RAB4B: variants seen among roughly 807,000 people sequenced by gnomAD.
RAB4B encodes RAB4B, member RAS oncogene family.
In RAB4B, 15 loss-of-function variants were observed where a neutral mutation model predicts 28.3. That is an observed-to-expected ratio of 0.53 (90% confidence interval 0.35 to 0.82). The LOEUF is 0.82. RAB4B is among the 40% of genes least tolerant of loss of function. The pLI, the probability that RAB4B is intolerant of heterozygous loss-of-function variation, is 0.01. For synonymous variants in RAB4B, 108 were observed against 116.3 expected, an observed-to-expected ratio of 0.93 and a Z score of 0.46; for missense variants, 244 against 288.5, an observed-to-expected ratio of 0.85 and a Z score of 1.12.
chr19:40,792,128 G>C (rs898782529), intron 7 of RAB4B: 1 of 151,998 alleles, frequency 6.6e-6, no homozygotes. Context: ...CAGAGCCAAC[G>C]TGATTTCCTG....
At chr19:40,788,091 G>T (rs768586857) in intron 7 of RAB4B, among the ~76,000 whole-genome samples, 1 of 151,622 alleles carries the variant, frequency 6.6e-6, no homozygotes, top group African/African-American at 2.4e-5. Flanking sequence ...TTTATTGAGC[G>T]CCTGCTGTGT....
At chr19:40,791,924 C>T (rs780467010) in intron 7 of RAB4B, among the ~76,000 whole-genome samples, 3 of 152,362 alleles carry the variant, frequency 2.0e-5, no homozygotes. Flanking sequence ...TGAGCCACTG[C>T]ACCCGGCCCC....
At chr19:40,787,961 C>CAAAAA (rs56997006) in intron 7 of RAB4B, among the ~76,000 whole-genome samples, 4 of 69,460 alleles carry the variant, frequency 5.8e-5, no homozygotes, top group African/African-American at 1.1e-4. Context: ...GACTCTGTCT[C>CAAAAA]AAAAAAAAAA....
intron 1 of RAB4B, chr19:40,778,976 G>C (rs1206850446): frequency 3.0e-6 from 3 of 985,832 alleles, no homozygotes. Context: ...GGCAGGGGAA[G>C]TGCAGGTTTA....
At chr19:40,782,813 A>C (rs2083061349) in intron 3 of RAB4B, among the ~76,000 whole-genome samples, 1 of 122,970 alleles carries the variant, frequency 8.1e-6, no homozygotes, top group Admixed American at 8.6e-5. Context: ...ACTCCATCTC[A>C]ATCAGTCAAT....
intron 7 of RAB4B, among the ~76,000 whole-genome samples, chr19:40,788,166 G>A (rs955938545): frequency 1.3e-5 from 2 of 151,876 alleles, no homozygotes; most frequent in Non-Finnish European, 2.9e-5. Flanking sequence ...TCCTCATGGT[G>A]CTGACATTCT....
intron 7 of RAB4B, among the ~76,000 whole-genome samples, chr19:40,787,716 G>T (rs1360503791): frequency 6.7e-6 from 1 of 150,112 alleles, no homozygotes; most frequent in African/African-American, 2.5e-5. Flanking sequence ...GACACAGGCA[G>T]AGGGGTTGCA....
chr19:40,784,760 A>AT (rs1283285887), intron 5 of RAB4B, among the ~76,000 whole-genome samples: 1 of 150,054 alleles, frequency 6.7e-6, no homozygotes, highest in African/African-American at 2.5e-5. Context: ...TATTTTATTT[A>AT]TTTTTTCCTC....
chr19:40,779,868 T>C (rs1019786029), intron 1 of RAB4B, 151 bp from the exon 2 acceptor site: 1 of 1,510,134 alleles, frequency 6.6e-7, no homozygotes, highest in Non-Finnish European at 8.9e-7. Flanking sequence ...GAGTTATCTG[T>C]TACTGTTACC....
At chr19:40,784,214 G>A in intron 5 of RAB4B, 139 bp downstream of exon 5, 5 of 1,202,782 alleles carry the variant, frequency 4.2e-6, no homozygotes, top group Non-Finnish European at 5.6e-6. Context: ...AGTGTTGGCT[G>A]GGTGTAGTGG....
chr19:40,778,292 G>A lies in RAB4B; in HGVS notation c.-84G>A. On this transcript the variant is annotated 5_prime_UTR_variant, in exon 1 of 8. Coordinates refer to ENST00000357052, the MANE Select transcript of RAB4B (RefSeq NM_016154.5). The stretch of plus-strand genomic sequence containing the variant: ...CGGGGAGTAGGAAGGAGCCGGGGCT[G>A]TAGCCGGAGTGGAGCGGCTGCCAGC... 3 of 1,371,122 alleles carry A rather than the reference G, an allele frequency of 2.2e-6. No homozygotes were observed. Among genetic ancestry groups the A allele is most frequent in the Non-Finnish European group, 9.8e-7 (1 of 1,025,186 alleles). The allele number at this position is 1,371,122 out of a possible 1,614,324, so 84.9% of individuals were successfully genotyped here.
chr19:40,785,097 G>A (rs956376372), intron 5 of RAB4B, among the ~76,000 whole-genome samples: 3 of 151,978 alleles, frequency 2.0e-5, no homozygotes, highest in African/African-American at 7.2e-5. Context: ...ACAGGCGTGA[G>A]ACACTGCGCC....
intron 5 of RAB4B, among the ~76,000 whole-genome samples, chr19:40,785,156 TTGAGTAACAGGTAC>T (rs2083086656): frequency 6.6e-6 from 1 of 151,816 alleles, no homozygotes; most frequent in Non-Finnish European, 1.5e-5. Flanking sequence ...GGGTAGATCC[TTGAGTAACAGGTAC>T]TGGTGTTAAG....
intron 7 of RAB4B, among the ~76,000 whole-genome samples, chr19:40,795,150 T>C (rs1420539012): frequency 5.1e-5 from 6 of 116,524 alleles, no homozygotes; most frequent in African/African-American, 1.7e-4. Flanking sequence ...GCCCAGGCAA[T>C]AGAGCGAGGC....
chr19:40,780,381 CCAGT>C lies in RAB4B; in HGVS notation c.98-1_100del. 1 of 1,603,214 alleles carries C rather than the reference CCAGT, an allele frequency of 6.2e-7. No individual in the cohort carries two copies. The highest frequency in any genetic ancestry group is 8.5e-7 in the Non-Finnish European group (1 of 1,174,732). ...ACTGCCCCTTCTGTTCCTCCTACTC[CCAGT>C]CAAACAGGACTCCAACCACACAATC... is the stretch of plus-strand genomic sequence containing the variant. On this transcript the variant is annotated splice_acceptor_variant and splice_polypyrimidine_tract_variant and coding_sequence_variant and intron_variant, in exon 3 of 8. Transcript: ENST00000357052. LOFTEE classifies it high-confidence loss of function.
At chr19:40,790,354 C>CTTTTTT (rs577816237) in intron 7 of RAB4B, among the ~76,000 whole-genome samples, 1 of 141,810 alleles carries the variant, frequency 7.1e-6, no homozygotes, top group Non-Finnish European at 1.6e-5. Context: ...TGGCCTCTCT[C>CTTTTTT]TTTTTTTTTT....
At chr19:40,786,419 C>G (rs1178100999) in intron 5 of RAB4B, 3 of 494,692 alleles carry the variant, frequency 6.1e-6, no homozygotes, top group East Asian at 4.4e-5. Context: ...CGGTACCTGA[C>G]TCAGCCCAGG....
At chr19:40,787,217 C>T (rs2083108686) in intron 7 of RAB4B, among the ~76,000 whole-genome samples, 1 of 151,570 alleles carries the variant, frequency 6.6e-6, no homozygotes, top group Non-Finnish European at 1.5e-5. Context: ...GACAGACCCA[C>T]TTCCAGACAG....
chr19:40,789,916 C>T (rs933599280), intron 7 of RAB4B, among the ~76,000 whole-genome samples: 4 of 152,176 alleles, frequency 2.6e-5, no homozygotes, highest in African/African-American at 9.6e-5. Flanking sequence ...TGCTGGAGAG[C>T]ACAGCAACGC....
Sources: gnomAD v4.1 joint callset for allele counts (sites outside exome capture counted in the v4.1 genomes callset) on GRCh38, gnomAD v4.1.1 for gene constraint, MANE v1.5 for transcripts, NCBI Gene and HGNC (gene_info 2026-07-23, HGNC 2026-07-21) for gene names.